EXOC7: variants seen among roughly 807,000 people sequenced by gnomAD.
EXOC7 encodes the protein exocyst complex component 7.
EXOC7 carries 51 observed loss-of-function variants against 87.6 expected under a neutral mutation model. The observed-to-expected ratio is 0.58, with a 90% CI of 0.46 to 0.73. The LOEUF (loss-of-function observed/expected upper bound fraction) is 0.73, where lower values mean the gene tolerates loss of function less well. Among genes scored for constraint, EXOC7 ranks in the 30% least tolerant of loss-of-function variants. The probability of loss-of-function intolerance (pLI) is 0.00; values close to 1 mark genes in which losing one functional copy is unlikely to be tolerated. For synonymous variants in EXOC7, 327 were observed against 357.1 expected (o/e 0.92, Z 0.95); for missense variants, 744 against 888.4 (o/e 0.84, Z 2.07).
Position 76,083,021 on chromosome 17 carries a change from C to A in EXOC7, c.*627G>T. On this transcript the variant is annotated 3_prime_UTR_variant, in exon 19 of 19. Coordinates refer to ENST00000589210, the MANE Select transcript of EXOC7 (RefSeq NM_001013839.4). ...GCCAGAGACAGGGGCCTGAGGAAGG[C>A]TGTAGAGGGTGGGGCGGAACTCCTC... 1 of 197,418 alleles carries A rather than the reference C, an allele frequency of 5.1e-6. No individual in the cohort carries two copies. The highest frequency in any genetic ancestry group is 1.0e-5 in the Non-Finnish European group (1 of 97,830). The allele number at this position is 197,418 out of a possible 1,614,324, so 12.2% of individuals were successfully genotyped here. A position where few individuals can be genotyped will look rare whatever the true frequency, so the allele number is the denominator to read the frequency against.
At chr17:76,101,609 G>T (rs745879963) in intron 3 of EXOC7, 70 bp downstream of exon 3, 2 of 1,527,148 alleles carry the variant, frequency 1.3e-6, no homozygotes, top group Non-Finnish European at 1.8e-6. Flanking sequence ...AAATTGTTGG[G>T]ATTACAGACC....
intron 2 of EXOC7, 23 bp from the exon 3 acceptor site, chr17:76,101,886 T>A: frequency 6.3e-7 from 1 of 1,595,258 alleles, no homozygotes. Flanking sequence ...AGCCTCTTGA[T>A]CTTGGGACTC....
At chr17:76,087,309 G>T in intron 12 of EXOC7, 1 of 415,108 alleles carries the variant, frequency 2.4e-6, no homozygotes, top group Non-Finnish European at 4.4e-6. Context: ...AGCTGAGCGA[G>T]CCTGATTAGG....
chr17:76,085,916 C>T (rs1567960730), intron 13 of EXOC7, 119 bp from the exon 14 acceptor site: 2 of 1,523,836 alleles, frequency 1.3e-6, no homozygotes, highest in Non-Finnish European at 1.8e-6. Flanking sequence ...GAGGCCTTAG[C>T]CCAACTCCCC....
In EXOC7 at chr17:76,089,164, C is replaced by T. The variant is rs1171917414; in HGVS notation, c.1047+11G>A. On this transcript the variant is annotated intron_variant, in intron 8 of 18. Transcript: ENST00000589210. ...GGGGCTGGCTGCAGAGCCCCCGGGG[C>T]GGGGCGGGACCTGTATCAGGGAGTC... The T allele has an allele frequency of 1.6e-5, 25 of 1,611,928 alleles. No homozygotes were observed. The highest frequency in any genetic ancestry group is 1.2e-4 in the Admixed American group (7 of 59,982).
chr17:76,096,810 C>T (rs984266567), intron 5 of EXOC7, among the ~76,000 whole-genome samples: 3 of 152,116 alleles, frequency 2.0e-5, no homozygotes, highest in Non-Finnish European at 4.4e-5. Context: ...CCCACCTTGG[C>T]CCCCCAAAGT....
intron 15 of EXOC7, chr17:76,084,845 C>A: frequency 1.9e-6 from 1 of 526,206 alleles, no homozygotes; most frequent in Non-Finnish European, 3.4e-6. Context: ...TCGTGGCAAA[C>A]TAAGATGGAG....
rs1158088250 is a variant in EXOC7, at chr17:76,097,770, C to T, written c.640+26G>A. 6 of 1,335,322 alleles carry T rather than the reference C, an allele frequency of 4.5e-6. No homozygotes were observed. In the African/African-American group the frequency reaches 8.8e-5, roughly 20 times the overall value. The allele number at this position is 1,335,322 out of a possible 1,614,324, so 82.7% of individuals were successfully genotyped here. On this transcript the variant is annotated intron_variant, in intron 5 of 18. Coordinates refer to ENST00000589210, the MANE Select transcript of EXOC7 (RefSeq NM_001013839.4). ...AAAACTCCCTCTGCCTCTGGTGTGT[C>T]ATGTGGCCAAGCCAGAATCCCTTAC...
Position 76,082,399 on chromosome 17 carries a change from G to T in EXOC7, c.*1249C>A. Reference sequence around the variant, plus strand: ...TACAGGCTGATGACCCCTGGGGTTCGCTCTTCCGCTCATGTTGAGGGGACC... The same window carrying T: ...TACAGGCTGATGACCCCTGGGGTTCTCTCTTCCGCTCATGTTGAGGGGACC... On this transcript the variant is annotated 3_prime_UTR_variant, in exon 19 of 19. Coordinates refer to ENST00000589210, the MANE Select transcript of EXOC7 (RefSeq NM_001013839.4). 1 of 1,477,940 alleles carries T rather than the reference G, an allele frequency of 6.8e-7. No homozygotes were observed. The allele number at this position is 1,477,940 out of a possible 1,614,324, so 91.6% of individuals were successfully genotyped here. A position where few individuals can be genotyped will look rare whatever the true frequency, so the allele number is the denominator to read the frequency against.
chr17:76,091,329 C>T, intron 6 of EXOC7, 94 bp from the exon 7 acceptor site: 1 of 983,178 alleles, frequency 1.0e-6, no homozygotes, highest in Non-Finnish European at 1.6e-6. Flanking sequence ...CCAGGCCCCG[C>T]ACCCAGCTCC....
At chr17:76,090,643 G>A in intron 7 of EXOC7, 1 of 659,820 alleles carries the variant, frequency 1.5e-6, no homozygotes, top group African/African-American at 1.8e-5. Context: ...CCCCGAGCCT[G>A]GAGGCCCAGG....
chr17:76,091,128 A>G lies in EXOC7; in HGVS notation c.901+15T>C. On this transcript the variant is annotated intron_variant, in intron 7 of 18. Coordinates refer to ENST00000589210, the MANE Select transcript of EXOC7 (RefSeq NM_001013839.4). ...TGGAGGAGGAAGGGACAGGAGGGGA[A>G]CACAGGGTGATTACCTTCCAGAGGA... is the stretch of plus-strand genomic sequence containing the variant. 6.2e-7 allele frequency: 1 copy of G among 1,605,416 alleles called. No individual in the cohort carries two copies. The highest frequency in any genetic ancestry group is 8.5e-7 in the Non-Finnish European group (1 of 1,172,070).
At chr17:76,099,290 G>A (rs939720036) in intron 4 of EXOC7, among the ~76,000 whole-genome samples, 33 of 152,318 alleles carry the variant, frequency 2.2e-4, no homozygotes, top group African/African-American at 7.7e-4. Flanking sequence ...CAGATCACCT[G>A]AGGTCAGGAG....
At chr17:76,097,753 C>A in intron 5 of EXOC7, 43 bp downstream of exon 5, 2 of 1,168,938 alleles carry the variant, frequency 1.7e-6, no homozygotes, top group Non-Finnish European at 2.5e-6. Flanking sequence ...AGAAAACTCC[C>A]TCTGCCTCTG....
rs371314157 is a variant in EXOC7, at chr17:76,090,351, G to A, written c.901+792C>T. The A allele has an allele frequency of 4.5e-4, 694 of 1,551,618 alleles. 7 individuals carry two copies. Among genetic ancestry groups the A allele is most frequent in the East Asian group, 7.6e-4 (31 of 40,918 alleles). On this transcript the variant is annotated intron_variant, in intron 7 of 18. Coordinates refer to ENST00000589210, the MANE Select transcript of EXOC7 (RefSeq NM_001013839.4). ...CACCGGCCAGCGGCCCGTGCTTGTC[G>A]TTCAAGGCCTCGGACAGGTGCTTAA...
At chr17:76,101,549 G>C in intron 3 of EXOC7, 130 bp downstream of exon 3, 1 of 1,355,560 alleles carries the variant, frequency 7.4e-7, no homozygotes, top group Non-Finnish European at 1.0e-6. Context: ...GTGTTGTCCA[G>C]ACTGGTCTTG....
intron 2 of EXOC7, 78 bp from the exon 3 acceptor site, chr17:76,101,941 C>T (rs2068084504): frequency 3.2e-6 from 4 of 1,249,292 alleles, no homozygotes; most frequent in South Asian, 1.5e-5. Context: ...TTCGGCATTT[C>T]CTGCCTTTTC....
In EXOC7 at chr17:76,084,535, C is replaced by T. The variant is rs1485685073; in HGVS notation, c.1758G>A (p.Val586=). 1 of 1,613,988 alleles carries T rather than the reference C, an allele frequency of 6.2e-7. No homozygotes were observed. The highest frequency in any genetic ancestry group is 8.5e-7 in the Non-Finnish European group (1 of 1,180,024). ...AGCCCACCTTGACTCCCGGCTGGAA[C>T]ACAGGTAGATTCTTCTCTGCGATGT... The part of the protein sequence containing the change: ...TDYIAEKNLP[V]FQPGVKLRDK... The change falls in exon 16 of 19, where the codon GTG becomes GTA. Residue 586 remains valine, a synonymous_variant. Transcript: ENST00000589210.
intron 4 of EXOC7, 141 bp downstream of exon 4, chr17:76,101,130 C>T: frequency 7.8e-7 from 1 of 1,288,516 alleles, no homozygotes; most frequent in Admixed American, 3.8e-5. Flanking sequence ...AGCAGAGATC[C>T]TAATGCCTAT....
Sources: gnomAD v4.1 joint callset for allele counts (sites outside exome capture counted in the v4.1 genomes callset) on GRCh38, gnomAD v4.1.1 for gene constraint, MANE v1.5 for transcripts, NCBI Gene and HGNC (gene_info 2026-07-23, HGNC 2026-07-21) for gene names.